FSTL4: variants seen among roughly 807,000 people sequenced by gnomAD.
FSTL4 encodes the protein follistatin like 4, also known as follistatin-related protein 4.
FSTL4 carries 28 observed loss-of-function variants against 78.2 expected under a neutral mutation model. The ratio of observed to expected loss-of-function variants is 0.36; its 90% CI spans 0.27 to 0.49. The LOEUF (loss-of-function observed/expected upper bound fraction) is 0.49, where lower values mean the gene tolerates loss of function less well. FSTL4 is among the 20% of genes least tolerant of loss of function. The pLI, the probability that FSTL4 is intolerant of heterozygous loss-of-function variation, is 0.98. For missense variants in FSTL4, 922 were observed against 1,084.9 expected (o/e 0.85, Z 2.11); for synonymous variants, 422 against 440.5 (o/e 0.96, Z 0.53).
At chr5:133,347,919 G>C (rs1385251334) in intron 4 of FSTL4, among the ~76,000 whole-genome samples, 2 of 152,192 alleles carry the variant, frequency 1.3e-5, no homozygotes, top group African/African-American at 4.8e-5. Context: ...TCATAGCCAG[G>C]AAGAACCTGA....
chr5:133,282,542 C>T (rs1395990869), intron 6 of FSTL4, among the ~76,000 whole-genome samples: 4 of 152,168 alleles, frequency 2.6e-5, no homozygotes, highest in South Asian at 2.1e-4. Flanking sequence ...TTCTCCCATA[C>T]GATTCTTCTT....
intron 6 of FSTL4, chr5:133,312,399 T>A: frequency 4.1e-6 from 2 of 484,934 alleles, no homozygotes; most frequent in South Asian, 5.6e-5. Flanking sequence ...ATGCTTCAAT[T>A]ACAGTCCTGG....
chr5:133,840,549 C>A, the FSTL4 span, among the ~76,000 whole-genome samples: 1 of 152,146 alleles, frequency 6.6e-6, no homozygotes, highest in African/African-American at 2.4e-5. Context: ...GGTAAAGGTC[C>A]CAGGGCCCAA....
chr5:133,494,672 G>T (rs1206098639), intron 3 of FSTL4, among the ~76,000 whole-genome samples: 6 of 152,204 alleles, frequency 3.9e-5, no homozygotes, highest in African/African-American at 1.2e-4. Flanking sequence ...GGGCTAAACT[G>T]TATGTGAGAA....
At chr5:133,739,177 G>A in the FSTL4 span, among the ~76,000 whole-genome samples, 1 of 151,982 alleles carries the variant, frequency 6.6e-6, no homozygotes, top group Non-Finnish European at 1.5e-5. Flanking sequence ...CAATTACACA[G>A]AAATACTCTA....
At chr5:133,244,462 C>G (rs376687108) in intron 7 of FSTL4, 1 of 152,266 alleles carries the variant, frequency 6.6e-6, no homozygotes, top group African/African-American at 2.4e-5. Flanking sequence ...GCTTCAGTAA[C>G]GAAACCCACA....
At chr5:133,657,957 A>G in the FSTL4 span, among the ~76,000 whole-genome samples, 1 of 152,032 alleles carries the variant, frequency 6.6e-6, no homozygotes, top group African/African-American at 2.4e-5. Context: ...GAAATTTTCC[A>G]TTTATTCTGG....
intron 4 of FSTL4, among the ~76,000 whole-genome samples, chr5:133,394,234 C>T (rs1181019301): frequency 6.6e-6 from 1 of 152,190 alleles, no homozygotes; most frequent in Non-Finnish European, 1.5e-5. Context: ...CCTCCTCAGC[C>T]TTGGCGCCCA....
intron 3 of FSTL4, among the ~76,000 whole-genome samples, chr5:133,470,802 A>AAAAT (rs1393971703): frequency 0.068 from 9,646 of 142,638 alleles, 435 homozygotes; most frequent in Admixed American, 0.14. Context: ...AAAATAAAAT[A>AAAAT]AAAATAAATA....
At chr5:133,645,496 C>T in the FSTL4 span, among the ~76,000 whole-genome samples, 14 of 152,030 alleles carry the variant, frequency 9.2e-5, no homozygotes, top group African/African-American at 2.9e-4. Context: ...TTCATTCATT[C>T]GACAAATGTT....
At chr5:133,378,122 C>A (rs1755483161) in intron 4 of FSTL4, among the ~76,000 whole-genome samples, 2 of 152,150 alleles carry the variant, frequency 1.3e-5, no homozygotes, top group Non-Finnish European at 2.9e-5. Context: ...TACATACCCA[C>A]TCTACAAAAG....
chr5:133,476,451 G>A (rs1400970070), intron 3 of FSTL4, among the ~76,000 whole-genome samples: 3 of 152,140 alleles, frequency 2.0e-5, no homozygotes, highest in Admixed American at 2.0e-4. Flanking sequence ...TGCTTTCATA[G>A]CTCTCAGGAA....
chr5:133,768,902 T>C, the FSTL4 span, among the ~76,000 whole-genome samples: 2 of 152,250 alleles, frequency 1.3e-5, no homozygotes, highest in Non-Finnish European at 2.9e-5. Context: ...TATTGTTTCC[T>C]GCATGTTACA....
At chr5:133,431,560 G>T (rs1756938926) in intron 3 of FSTL4, among the ~76,000 whole-genome samples, 1 of 152,210 alleles carries the variant, frequency 6.6e-6, no homozygotes, top group African/African-American at 2.4e-5. Flanking sequence ...CTGTCAAGAT[G>T]CTAGATGTGT....
chr5:133,478,801 G>A (rs952331580), intron 3 of FSTL4, among the ~76,000 whole-genome samples: 10 of 151,954 alleles, frequency 6.6e-5, no homozygotes, highest in Admixed American at 2.6e-4. Flanking sequence ...GCGATGACCC[G>A]GATTGCTAAA....
chr5:133,718,476 TG>T, the FSTL4 span, among the ~76,000 whole-genome samples: 1 of 152,234 alleles, frequency 6.6e-6, no homozygotes. Context: ...ACTACACACA[TG>T]TAATTTATTG....
upstream of FSTL4, among the ~76,000 whole-genome samples, chr5:133,613,110 G>A (rs1351229820): frequency 6.6e-6 from 1 of 152,182 alleles, no homozygotes; most frequent in Non-Finnish European, 1.5e-5. Flanking sequence ...GGGCCCAGAG[G>A]GTCCCTTCTC....
the FSTL4 span, among the ~76,000 whole-genome samples, chr5:133,722,649 T>A: frequency 1.3e-5 from 2 of 152,218 alleles, no homozygotes; most frequent in African/African-American, 4.8e-5. Flanking sequence ...CTTGGTAGTA[T>A]CACTTTTCCT....
intron 3 of FSTL4, among the ~76,000 whole-genome samples, chr5:133,491,548 C>T (rs1335959065): frequency 5.3e-5 from 8 of 151,464 alleles, no homozygotes; most frequent in Non-Finnish European, 7.4e-5. Context: ...TACAGGCGCC[C>T]GCCACCACGC....
Sources: gnomAD v4.1 joint callset for allele counts (sites outside exome capture counted in the v4.1 genomes callset) on GRCh38, gnomAD v4.1.1 for gene constraint, MANE v1.5 for transcripts, NCBI Gene and HGNC (gene_info 2026-07-23, HGNC 2026-07-21) for gene names.